Variants in SOX6 observed in about 807,000 individuals in gnomAD.
SOX6 encodes SRY-box transcription factor 6, also known as transcription factor SOX-6.
SOX6 carries 11 observed loss-of-function variants against 97.8 expected under a neutral mutation model. The ratio of observed to expected loss-of-function variants is 0.11; its 90% CI spans 0.07 to 0.19. The LOEUF is 0.19. Ranked by LOEUF, SOX6 falls within the 10% of genes least tolerant of loss-of-function variation. SOX6 has a pLI of 1.00. For missense variants in SOX6, 810 were observed against 1,039.5 expected, an observed-to-expected ratio of 0.78 and a Z score of 3.04; for synonymous variants, 360 against 371.4, an observed-to-expected ratio of 0.97 and a Z score of 0.35.
At chr11:16,489,050 C>A (rs1212114046) in intron 4 of SOX6, among the ~76,000 whole-genome samples, 1 of 152,044 alleles carries the variant, frequency 6.6e-6, no homozygotes, top group Non-Finnish European at 1.5e-5. Context: ...TATTCACACA[C>A]TTTTTAAAAA....
At chr11:16,600,132 C>T (rs1184859086) in intron 4 of SOX6, among the ~76,000 whole-genome samples, 2 of 152,220 alleles carry the variant, frequency 1.3e-5, no homozygotes, top group African/African-American at 4.8e-5. Flanking sequence ...GCACAAGGTC[C>T]CAGCAATGCT....
At chr11:16,150,906 C>T (rs1014194166) in intron 6 of SOX6, among the ~76,000 whole-genome samples, 2 of 152,122 alleles carry the variant, frequency 1.3e-5, no homozygotes, top group African/African-American at 2.4e-5. Flanking sequence ...TGAAATTATT[C>T]GTACCCAAGT....
chr11:16,145,116 A>C, intron 6 of SOX6, among the ~76,000 whole-genome samples: 1 of 152,296 alleles, frequency 6.6e-6, no homozygotes, highest in South Asian at 2.1e-4. Context: ...ATACTGGCAA[A>C]CCGAATCCAT....
At chr11:16,413,314 T>C (rs1858859960) in intron 1 of SOX6, among the ~76,000 whole-genome samples, 1 of 152,084 alleles carries the variant, frequency 6.6e-6, no homozygotes, top group Admixed American at 6.6e-5. Context: ...AATCATTCCA[T>C]CATCCCCTTT....
At chr11:16,491,683 G>A (rs1039282587) in intron 4 of SOX6, among the ~76,000 whole-genome samples, 1 of 152,114 alleles carries the variant, frequency 6.6e-6, no homozygotes, top group Non-Finnish European at 1.5e-5. Flanking sequence ...TTAATACAGA[G>A]TAACTGGCAC....
At position 16,285,477 on chromosome 11, in the gene SOX6, T is replaced by C. The variant is rs557137277; in HGVS notation, c.445+32969A>G. Among the ~76,000 whole-genome samples, 3 of 152,178 alleles carry C rather than the reference T, an allele frequency of 2.0e-5. No homozygotes were observed. In the East Asian group the frequency reaches 5.8e-4, roughly 29 times the overall value. Reference sequence around the variant, plus strand: ...TGAACCCAGGAGGCGGAGGTGGCAGTGAGTCGAGATCGCACCATTGCACTC... The same window carrying C: ...TGAACCCAGGAGGCGGAGGTGGCAGCGAGTCGAGATCGCACCATTGCACTC... On this transcript the variant is annotated intron_variant, in intron 3 of 15. Transcript: ENST00000683767.
chr11:16,697,848 T>C (rs1313509737), intron 3 of SOX6, among the ~76,000 whole-genome samples: 1 of 152,182 alleles, frequency 6.6e-6, no homozygotes, highest in African/African-American at 2.4e-5. Flanking sequence ...AGCACTGTCT[T>C]GAAAGGAATT....
intron 3 of SOX6, among the ~76,000 whole-genome samples, chr11:16,641,913 G>T (rs1307843048): frequency 6.6e-5 from 10 of 152,126 alleles, no homozygotes; most frequent in Non-Finnish European, 2.9e-5. Context: ...TACACTTAAG[G>T]TTAATATTGT....
intron 2 of SOX6, among the ~76,000 whole-genome samples, chr11:16,724,827 C>G (rs1348054211): frequency 1.3e-5 from 2 of 152,184 alleles, no homozygotes; most frequent in Non-Finnish European, 2.9e-5. Context: ...AAGGTAACTT[C>G]ACACCCACTA....
At chr11:16,202,132 A>C (rs1851958546) in intron 4 of SOX6, among the ~76,000 whole-genome samples, 1 of 152,178 alleles carries the variant, frequency 6.6e-6, no homozygotes, top group South Asian at 2.1e-4. Flanking sequence ...GAGTATTAAA[A>C]TATCTAAATT....
chr11:15,986,489 T>C, intron 14 of SOX6, 69 bp from the exon 15 acceptor site: 2 of 1,450,346 alleles, frequency 1.4e-6, no homozygotes, highest in Non-Finnish European at 1.9e-6. Flanking sequence ...CACAACTAGA[T>C]ATACCTTCCC....
At chr11:16,638,320 G>C (rs1257151786) in intron 3 of SOX6, among the ~76,000 whole-genome samples, 1 of 152,058 alleles carries the variant, frequency 6.6e-6, no homozygotes, top group Non-Finnish European at 1.5e-5. Context: ...GGACATTTGG[G>C]TTGGTTCCAA....
chr11:16,070,795 AC>A, intron 9 of SOX6, among the ~76,000 whole-genome samples: 1 of 152,266 alleles, frequency 6.6e-6, no homozygotes, highest in East Asian at 1.9e-4. Context: ...CACACTCTCC[AC>A]AGGGACCTGT....
intron 1 of SOX6, among the ~76,000 whole-genome samples, chr11:16,418,520 C>T (rs73433538): frequency 0.042 from 6,382 of 152,214 alleles, 428 homozygotes; most frequent in African/African-American, 0.14. Flanking sequence ...AAAAGTGCAT[C>T]TGGAATAAGA....
intron 1 of SOX6, among the ~76,000 whole-genome samples, chr11:16,369,542 T>C (rs1253408165): frequency 6.6e-6 from 1 of 152,222 alleles, no homozygotes; most frequent in Non-Finnish European, 1.5e-5. Flanking sequence ...AAAAGTTTTG[T>C]AAACCAAGTC....
At chr11:16,355,247 GA>G (rs1171295189) in intron 1 of SOX6, among the ~76,000 whole-genome samples, 1 of 151,936 alleles carries the variant, frequency 6.6e-6, no homozygotes, top group African/African-American at 2.4e-5. Flanking sequence ...AGGTATCTAG[GA>G]AAGCTGGATA....
At chr11:16,276,644 G>A (rs1335554601) in intron 3 of SOX6, among the ~76,000 whole-genome samples, 1 of 152,154 alleles carries the variant, frequency 6.6e-6, no homozygotes, top group Non-Finnish European at 1.5e-5. Context: ...AATGATAAAG[G>A]GAAGGCCAGA....
At chr11:16,586,716 T>C (rs777574517) in intron 4 of SOX6, among the ~76,000 whole-genome samples, 4 of 151,772 alleles carry the variant, frequency 2.6e-5, no homozygotes, top group African/African-American at 9.7e-5. Context: ...TGAGAGACTG[T>C]CTGTAAAAAA....
At chr11:16,230,476 T>C (rs755861075) in intron 4 of SOX6, among the ~76,000 whole-genome samples, 2 of 151,382 alleles carry the variant, frequency 1.3e-5, no homozygotes, top group Non-Finnish European at 3.0e-5. Context: ...AAAAGGAAAA[T>C]AGAATGAAAA....
Sources: allele counts gnomAD v4.1 joint callset (sites outside exome capture counted in the v4.1 genomes callset), GRCh38; gene constraint gnomAD v4.1.1; transcripts MANE v1.5; gene names NCBI Gene and HGNC (gene_info 2026-07-23, HGNC 2026-07-21).